The following COL5A2 variants were observed in gnomAD, a reference collection of about 807,000 sequenced individuals.
COL5A2 encodes the protein collagen alpha-2(V) chain.
COL5A2 carries 23 observed loss-of-function variants against 208.2 expected under a neutral mutation model. That is an observed-to-expected ratio of 0.11 (90% CI 0.08 to 0.16). The LOEUF is 0.16. Ranked by LOEUF, COL5A2 falls within the 10% of genes least tolerant of loss-of-function variation. COL5A2 has a pLI of 1.00. For synonymous variants in COL5A2, 625 were observed against 628.5 expected (o/e 0.99, Z 0.08); for missense variants, 1,590 against 1,956.4 (o/e 0.81, Z 3.53).
the COL5A2 span, among the ~76,000 whole-genome samples, chr2:189,371,073 T>G: frequency 6.6e-6 from 1 of 152,082 alleles, no homozygotes; most frequent in African/African-American, 2.4e-5. Context: ...GAGTTCTGCT[T>G]GTTTAAAAGA....
intron 3 of COL5A2, among the ~76,000 whole-genome samples, chr2:189,102,661 T>A (rs1687070208): frequency 6.6e-6 from 1 of 152,066 alleles, no homozygotes; most frequent in Non-Finnish European, 1.5e-5. Flanking sequence ...ATGGAAGCAG[T>A]TATAGTGTTT....
chr2:189,237,060 C>T, the COL5A2 span, among the ~76,000 whole-genome samples: 13 of 151,656 alleles, frequency 8.6e-5, no homozygotes, highest in African/African-American at 2.4e-4. Flanking sequence ...TCTTGAAGCC[C>T]GATAATGCCA....
At chr2:189,202,164 A>G (rs1329442938) in intron 1 of COL5A2, among the ~76,000 whole-genome samples, 5 of 152,038 alleles carry the variant, frequency 3.3e-5, no homozygotes, top group Non-Finnish European at 5.9e-5. Flanking sequence ...ATTAAATGCA[A>G]AAAACACAAT....
At chr2:189,322,908 C>T in the COL5A2 span, among the ~76,000 whole-genome samples, 363 of 152,218 alleles carry the variant, frequency 2.4e-3, 1 homozygote, top group Non-Finnish European at 4.5e-3. Context: ...TGATGAACAT[C>T]GATGCAAAAA....
chr2:189,427,131 G>A, the COL5A2 span, among the ~76,000 whole-genome samples: 1 of 152,246 alleles, frequency 6.6e-6, no homozygotes, highest in African/African-American at 2.4e-5. Flanking sequence ...AGGGAAGAAT[G>A]GTTTATTGGG....
At chr2:189,440,278 T>A in the COL5A2 span, among the ~76,000 whole-genome samples, 372 of 152,324 alleles carry the variant, frequency 2.4e-3, 3 homozygotes, top group African/African-American at 8.4e-3. Flanking sequence ...ATGATGGGGA[T>A]ATGTTCTAAG....
intron 47 of COL5A2, 137 bp downstream of exon 47, chr2:189,045,042 T>C (rs1685635867): frequency 1.9e-6 from 1 of 528,246 alleles, no homozygotes; most frequent in Admixed American, 3.7e-5. Flanking sequence ...AAGAGTAAAC[T>C]TATAATTTTT....
the COL5A2 span, among the ~76,000 whole-genome samples, chr2:189,246,932 A>G: frequency 2.0e-5 from 3 of 152,194 alleles, no homozygotes; most frequent in Non-Finnish European, 4.4e-5. Context: ...TAATAACCTG[A>G]AACAACACTA....
At chr2:189,272,747 T>G in the COL5A2 span, among the ~76,000 whole-genome samples, 2 of 152,144 alleles carry the variant, frequency 1.3e-5, no homozygotes, top group Admixed American at 1.3e-4. Flanking sequence ...ATACTCAAGT[T>G]TTTTAGATTT....
In COL5A2 at chr2:189,035,169, G is replaced by T. The variant is rs777751790; in HGVS notation, c.4114-14C>A. On this transcript the variant is annotated splice_polypyrimidine_tract_variant and intron_variant, in intron 52 of 53. Coordinates refer to ENST00000374866, the MANE Select transcript of COL5A2 (RefSeq NM_000393.5). ...TCCATAAGCGAACTAGAAAAACAAA[G>T]AGTCTTTGTCATACACAAGACTGAA... 1 of 1,613,662 alleles carries T rather than the reference G, an allele frequency of 6.2e-7. No individual in the cohort carries two copies. The highest frequency in any genetic ancestry group is 1.1e-5 in the South Asian group (1 of 91,072).
the COL5A2 span, among the ~76,000 whole-genome samples, chr2:189,240,398 G>A: frequency 6.6e-6 from 1 of 152,116 alleles, no homozygotes; most frequent in Admixed American, 6.6e-5. Flanking sequence ...TCCATCATGA[G>A]GGCCTCATCC....
the COL5A2 span, among the ~76,000 whole-genome samples, chr2:189,424,202 C>T: frequency 1.3e-5 from 2 of 152,160 alleles, no homozygotes; most frequent in Non-Finnish European, 2.9e-5. Context: ...TGTACCTTAA[C>T]ACAATAAAGG....
chr2:189,067,394 A>C (rs1482569394), intron 21 of COL5A2, among the ~76,000 whole-genome samples: 3 of 152,178 alleles, frequency 2.0e-5, no homozygotes, highest in Non-Finnish European at 4.4e-5. Flanking sequence ...CCAGCACTTT[A>C]AGAGAATTTA....
chr2:189,050,337 C>T (rs1685758021), intron 43 of COL5A2, among the ~76,000 whole-genome samples: 1 of 152,142 alleles, frequency 6.6e-6, no homozygotes. Context: ...AATCCATATC[C>T]TTATTTGCCT....
chr2:189,078,839 G>C (rs543313440), intron 15 of COL5A2, among the ~76,000 whole-genome samples: 3 of 152,050 alleles, frequency 2.0e-5, no homozygotes, highest in Non-Finnish European at 4.4e-5. Context: ...AAAGAATAAG[G>C]GCATTCAACC....
chr2:189,265,422 A>G, the COL5A2 span, among the ~76,000 whole-genome samples: 1 of 152,074 alleles, frequency 6.6e-6, no homozygotes, highest in East Asian at 1.9e-4. Flanking sequence ...TAACTTGTAG[A>G]CACAGCCTTC....
chr2:189,182,418 T>C (rs1479361637), upstream of COL5A2, among the ~76,000 whole-genome samples: 1 of 152,182 alleles, frequency 6.6e-6, no homozygotes, highest in Non-Finnish European at 1.5e-5. Context: ...TAATAAGCAA[T>C]AAATCTAGGG....
the COL5A2 span, among the ~76,000 whole-genome samples, chr2:189,309,184 A>G: frequency 2.6e-5 from 4 of 152,168 alleles, no homozygotes; most frequent in African/African-American, 9.7e-5. Flanking sequence ...GGTGATTGTT[A>G]CACTGTTTCT....
upstream of COL5A2, among the ~76,000 whole-genome samples, chr2:189,184,405 C>T (rs537840281): frequency 5.7e-4 from 87 of 152,216 alleles, no homozygotes; most frequent in African/African-American, 1.8e-3. Flanking sequence ...TGGCATAAAA[C>T]GCTAATATCT....
Sources: allele counts gnomAD v4.1 joint callset (sites outside exome capture counted in the v4.1 genomes callset), GRCh38; gene constraint gnomAD v4.1.1; transcripts MANE v1.5; gene names NCBI Gene and HGNC (gene_info 2026-07-23, HGNC 2026-07-21).